The following MYO18B variants were observed in gnomAD, a reference collection of about 807,000 sequenced individuals.
MYO18B encodes unconventional myosin-XVIIIb.
MYO18B carries 204 observed loss-of-function variants against 273.0 expected under a neutral mutation model. That is an observed-to-expected ratio of 0.75 (90% CI 0.67 to 0.84). The LOEUF (loss-of-function observed/expected upper bound fraction) is 0.84, where lower values mean the gene tolerates loss of function less well. Among genes scored for constraint, MYO18B ranks in the 40% least tolerant of loss-of-function variants. The pLI, the probability that MYO18B is intolerant of heterozygous loss-of-function variation, is 0.00. For synonymous variants in MYO18B, 1,330 were observed against 1,305.7 expected, an observed-to-expected ratio of 1.02 and a Z score of -0.40; for missense variants, 3,212 against 3,287.6, an observed-to-expected ratio of 0.98 and a Z score of 0.56.
intron 39 of MYO18B, 49 bp downstream of exon 39, chr22:25,955,413 G>A (rs2092838738): frequency 1.9e-6 from 3 of 1,545,326 alleles, no homozygotes; most frequent in African/African-American, 2.7e-5. Flanking sequence ...GGTTTGCAAT[G>A]TGGTAGACCC....
intron 21 of MYO18B, among the ~76,000 whole-genome samples, chr22:25,860,643 T>C (rs2090704758): frequency 6.6e-6 from 1 of 152,212 alleles, no homozygotes; most frequent in Admixed American, 6.5e-5. Context: ...CTCACCTTTT[T>C]TCTTGTTGGT....
Position 25,890,858 on chromosome 22 carries a change from G to A in MYO18B, c.4417G>A (p.Glu1473Lys). The change falls in exon 26 of 44, where the codon GAG becomes AAG. Residue 1473 changes from glutamate (E) to lysine (K), a missense_variant. Glu to Lys is a moderately conservative substitution (Grantham distance 56). Coordinates refer to ENST00000335473, the MANE Select transcript of MYO18B (RefSeq NM_032608.7). ...GGCAGAGCGGCTACAGGCCTTCCGG[G>A]AGGTCCAGGAGCTCAAGGTGAGTGG... is the stretch of plus-strand genomic sequence containing the variant. ...ERAERLQAFR[E>K]VQELKSKHEQ... 8 of 1,613,780 alleles carry A rather than the reference G, an allele frequency of 5.0e-6. No individual in the cohort carries two copies. The highest frequency in any genetic ancestry group is 5.9e-6 in the Non-Finnish European group (7 of 1,179,848).
rs367899369 is a variant in MYO18B, at chr22:25,847,908, GT to G, written c.3775+267del. Among the ~76,000 whole-genome samples the G allele has an allele frequency of 4.1e-3, 603 of 145,378 alleles. 12 individuals carry two copies. In the South Asian group the frequency reaches 0.055, roughly 13 times the overall value. On this transcript the variant is annotated intron_variant, in intron 20 of 43. Transcript: ENST00000335473. ...GCTCTCTTTGAGTCTGAAGCCCACTGTTTTTTTTTTTCTTTATTTCTTCTGA... is the reference window on the plus strand; with the variant it reads ...GCTCTCTTTGAGTCTGAAGCCCACTGTTTTTTTTTTCTTTATTTCTTCTGA...
the MYO18B span, among the ~76,000 whole-genome samples, chr22:26,057,218 A>T: frequency 6.6e-6 from 1 of 152,200 alleles, no homozygotes; most frequent in Non-Finnish European, 1.5e-5. Flanking sequence ...TCATCTAAAA[A>T]AAAAGGATAT....
intron 3 of MYO18B, among the ~76,000 whole-genome samples, chr22:25,767,582 T>G (rs894179823): frequency 2.0e-5 from 3 of 152,162 alleles, no homozygotes; most frequent in African/African-American, 7.2e-5. Context: ...CTGGAGAGTG[T>G]TAGAGCCAAG....
At position 25,775,232 on chromosome 22, in the gene MYO18B, A is replaced by G. The variant is rs79236080; in HGVS notation, c.1870-2351A>G. Reference sequence around the variant, plus strand: ...GGGGGCATATCCCTCCTTTGCCTGCATTAGGTTCCTGCTGAGCCCTACATC... The same window carrying G: ...GGGGGCATATCCCTCCTTTGCCTGCGTTAGGTTCCTGCTGAGCCCTACATC... On this transcript the variant is annotated intron_variant, in intron 7 of 43. Coordinates refer to ENST00000335473, the MANE Select transcript of MYO18B (RefSeq NM_032608.7). Among the ~76,000 whole-genome samples the G allele has an allele frequency of 6.7e-3, 1,015 of 152,318 alleles. 2 individuals carry two copies. Among genetic ancestry groups the G allele is most frequent in the Middle Eastern group, 0.01 (3 of 294 alleles).
chr22:26,063,332 A>G, the MYO18B span, among the ~76,000 whole-genome samples: 33,814 of 152,138 alleles, frequency 0.22, 4,627 homozygotes, highest in Admixed American at 0.37. Flanking sequence ...GAAGAGAACA[A>G]TGAAAATATT....
chr22:25,845,811 A>C (rs1233429979), intron 18 of MYO18B, among the ~76,000 whole-genome samples: 1 of 152,220 alleles, frequency 6.6e-6, no homozygotes, highest in Non-Finnish European at 1.5e-5. Context: ...TAGGTATGTA[A>C]GTGACAAGAA....
chr22:25,809,890 G>T (rs940461787), intron 12 of MYO18B, among the ~76,000 whole-genome samples: 3 of 151,828 alleles, frequency 2.0e-5, no homozygotes, highest in African/African-American at 7.3e-5. Context: ...ATATATTCAA[G>T]AGCTTTGGGA....
chr22:25,868,938 T>C (rs1183291456), intron 22 of MYO18B, among the ~76,000 whole-genome samples: 1 of 152,222 alleles, frequency 6.6e-6, no homozygotes, highest in Non-Finnish European at 1.5e-5. Context: ...TTCCCCGATA[T>C]GCTTATATAT....
chr22:25,833,804 G>A (rs1205839304), intron 16 of MYO18B, among the ~76,000 whole-genome samples: 1 of 152,220 alleles, frequency 6.6e-6, no homozygotes, highest in Non-Finnish European at 1.5e-5. Flanking sequence ...GAGGTGCCCT[G>A]CCGGTGGCAT....
intron 12 of MYO18B, among the ~76,000 whole-genome samples, chr22:25,803,115 C>T (rs1358465916): frequency 6.6e-6 from 1 of 151,822 alleles, no homozygotes; most frequent in Non-Finnish European, 1.5e-5. Context: ...GCATGTGCCA[C>T]CACACCCGGC....
At chr22:25,790,113 A>C (rs1254690622) in intron 11 of MYO18B, among the ~76,000 whole-genome samples, 3 of 152,188 alleles carry the variant, frequency 2.0e-5, no homozygotes, top group Non-Finnish European at 4.4e-5. Flanking sequence ...AGATTGCGCC[A>C]CTGCACTCCA....
In MYO18B at chr22:25,791,977, T is replaced by C. The variant is rs375811798; in HGVS notation, c.2377-5976T>C. 1.4e-3 allele frequency among the ~76,000 whole-genome samples: 212 copies of C among 152,338 alleles called. 9 individuals are homozygous for C. In the South Asian group the frequency reaches 0.043, roughly 31 times the overall value. On this transcript the variant is annotated intron_variant, in intron 11 of 43. Transcript: ENST00000335473. Reference sequence around the variant, plus strand: ...GATCCAGGTTGGCCTGACTTTAAATTTGGTACTTTCGTTCTTCCCACTGTC... The same window carrying C: ...GATCCAGGTTGGCCTGACTTTAAATCTGGTACTTTCGTTCTTCCCACTGTC...
intron 13 of MYO18B, among the ~76,000 whole-genome samples, chr22:25,826,078 T>C (rs2089478794): frequency 6.6e-6 from 1 of 152,172 alleles, no homozygotes; most frequent in Admixed American, 6.5e-5. Flanking sequence ...GAAGTGCTAT[T>C]AGAAGCAACA....
At chr22:25,793,634 C>T (rs937689941) in intron 11 of MYO18B, among the ~76,000 whole-genome samples, 3 of 152,162 alleles carry the variant, frequency 2.0e-5, no homozygotes, top group African/African-American at 7.2e-5. Context: ...GTCTAGAGGG[C>T]GTCCAGCTCT....
At chr22:26,058,224 C>T in the MYO18B span, among the ~76,000 whole-genome samples, 1 of 152,104 alleles carries the variant, frequency 6.6e-6, no homozygotes, top group African/African-American at 2.4e-5. Context: ...TTTTTGGAGA[C>T]AGGCAATATC....
At chr22:25,980,252 A>C (rs1427779751) in intron 39 of MYO18B, among the ~76,000 whole-genome samples, 2 of 152,218 alleles carry the variant, frequency 1.3e-5, no homozygotes, top group Non-Finnish European at 2.9e-5. Flanking sequence ...TCTGCAGGCA[A>C]ACTCTTTATC....
At chr22:26,045,832 G>T in the MYO18B span, among the ~76,000 whole-genome samples, 3 of 152,202 alleles carry the variant, frequency 2.0e-5, no homozygotes, top group Admixed American at 2.0e-4. Flanking sequence ...GAACCACCTA[G>T]CCAACAACTC....
Sources: allele counts gnomAD v4.1 joint callset (sites outside exome capture counted in the v4.1 genomes callset), GRCh38; gene constraint gnomAD v4.1.1; transcripts MANE v1.5; gene names NCBI Gene and HGNC (gene_info 2026-07-23, HGNC 2026-07-21).